The following MYT1L variants were observed in gnomAD, a reference collection of about 807,000 sequenced individuals.
MYT1L encodes myelin transcription factor 1 like, also known as myelin transcription factor 1-like protein.
A neutral mutation model predicts 126.7 loss-of-function variants in MYT1L; 12 were observed. The observed-to-expected ratio is 0.09, with a 90% CI of 0.06 to 0.15. The LOEUF is 0.15. MYT1L is among the 10% of genes least tolerant of loss of function. The pLI, the probability that MYT1L is intolerant of heterozygous loss-of-function variation, is 1.00. For missense variants in MYT1L, 979 were observed against 1,585.2 expected (o/e 0.62, Z 6.49); for synonymous variants, 541 against 604.2 (o/e 0.90, Z 1.53).
chr2:2,106,343 G>A (rs562766338), intron 3 of MYT1L, among the ~76,000 whole-genome samples: 15 of 152,314 alleles, frequency 9.8e-5, no homozygotes, highest in Middle Eastern at 3.4e-3. Context: ...CTGGTGTGGT[G>A]GCCCTTGCCT....
chr2:1,820,113 AAG>A (rs1418284974), intron 21 of MYT1L, among the ~76,000 whole-genome samples: 2 of 152,152 alleles, frequency 1.3e-5, no homozygotes, highest in East Asian at 3.9e-4. Context: ...ATGGGTTCAG[AAG>A]AGAGCACCCA....
chr2:1,904,342 G>A (rs1375901896), intron 13 of MYT1L, among the ~76,000 whole-genome samples: 1 of 152,078 alleles, frequency 6.6e-6, no homozygotes, highest in East Asian at 1.9e-4. Flanking sequence ...GTCAGGTTTT[G>A]TAGAATCAGA....
intron 21 of MYT1L, among the ~76,000 whole-genome samples, chr2:1,819,961 C>T (rs2038265741): frequency 6.6e-6 from 1 of 151,702 alleles, no homozygotes; most frequent in African/African-American, 2.4e-5. Flanking sequence ...GGCAACCACA[C>T]AGTAGAGTTT....
chr2:1,943,411 A>AT lies in MYT1L; in HGVS notation c.153-78dup, dbSNP rs2056886486. On this transcript the variant is annotated intron_variant, in intron 8 of 24. Transcript: ENST00000647738. This position sits in a 1 kb window ranked among gnomAD's most constrained non-coding sequence, Gnocchi z 4.4. ...GTTACTGTCTTTTAAAATCAGACCAATGGGGGCCTTGATCAAGGTACTTAA... is the reference window on the plus strand; with the variant it reads ...GTTACTGTCTTTTAAAATCAGACCAATTGGGGGCCTTGATCAAGGTACTTAA... The AT allele has an allele frequency of 2.8e-6, 4 of 1,430,596 alleles. No individual in the cohort carries two copies. The East Asian group carries it at 9.9e-5, about 36-fold the overall frequency. 88.6% of individuals were successfully genotyped at this position (1,430,596 alleles called of 1,614,324 possible).
chr2:2,235,305 G>A (rs57580223), intron 2 of MYT1L, among the ~76,000 whole-genome samples: 2 of 150,396 alleles, frequency 1.3e-5, no homozygotes, highest in Non-Finnish European at 1.5e-5. Context: ...AGGGGTGTGT[G>A]TAGAGGTGTG....
chr2:2,036,858 C>T (rs749656297), intron 4 of MYT1L, among the ~76,000 whole-genome samples: 2 of 152,136 alleles, frequency 1.3e-5, no homozygotes, highest in Admixed American at 6.6e-5. Flanking sequence ...CAGTAGCTTC[C>T]ACCACACTTC....
intron 3 of MYT1L, among the ~76,000 whole-genome samples, chr2:2,136,027 T>C (rs1209020900): frequency 6.6e-6 from 1 of 152,192 alleles, no homozygotes; most frequent in Non-Finnish European, 1.5e-5. Flanking sequence ...ATATACACCA[T>C]GGAATACTAT....
At chr2:2,120,511 T>C (rs1032149119) in intron 3 of MYT1L, among the ~76,000 whole-genome samples, 4 of 152,084 alleles carry the variant, frequency 2.6e-5, no homozygotes, top group Non-Finnish European at 4.4e-5. Context: ...GTAAAGTCAG[T>C]ACAGGGCTTG....
chr2:2,085,126 T>G (rs2076227300), intron 3 of MYT1L, among the ~76,000 whole-genome samples: 4 of 152,160 alleles, frequency 2.6e-5, no homozygotes, highest in Admixed American at 1.3e-4. Context: ...TCTGCACAGT[T>G]TCTTTTCTCC....
intron 14 of MYT1L, chr2:1,902,822 T>C: frequency 2.1e-6 from 1 of 477,646 alleles, no homozygotes; most frequent in Non-Finnish European, 3.8e-6. Context: ...CCTCTCCACA[T>C]TCCACGAGCA....
At chr2:2,253,197 C>T (rs1442641138) in intron 2 of MYT1L, among the ~76,000 whole-genome samples, 9 of 152,190 alleles carry the variant, frequency 5.9e-5, no homozygotes, top group Admixed American at 2.6e-4. Flanking sequence ...ACCTGTGAGC[C>T]GGAGCGGGCT....
At chr2:2,294,704 G>T (rs2095646621) in intron 1 of MYT1L, among the ~76,000 whole-genome samples, 1 of 152,146 alleles carries the variant, frequency 6.6e-6, no homozygotes, top group African/African-American at 2.4e-5. Flanking sequence ...CATGTAACTA[G>T]GAATAAACAT....
At chr2:2,086,568 G>A (rs2076369650) in intron 3 of MYT1L, among the ~76,000 whole-genome samples, 1 of 152,056 alleles carries the variant, frequency 6.6e-6, no homozygotes, top group Non-Finnish European at 1.5e-5. Flanking sequence ...TTCACACATA[G>A]AATCACTCTG....
intron 3 of MYT1L, among the ~76,000 whole-genome samples, chr2:2,140,584 G>A (rs369066066): frequency 3.3e-5 from 5 of 151,850 alleles, no homozygotes; most frequent in Non-Finnish European, 4.4e-5. Flanking sequence ...ACAGGTGCCC[G>A]CCACCACGCC....
intron 2 of MYT1L, among the ~76,000 whole-genome samples, chr2:2,232,020 C>A (rs1366715621): frequency 6.6e-6 from 1 of 152,174 alleles, no homozygotes; most frequent in Non-Finnish European, 1.5e-5. Context: ...AACCACTTAA[C>A]AATAAAGGAA....
At position 2,256,129 on chromosome 2, in the gene MYT1L, C is replaced by T. The variant is rs113284019; in HGVS notation, c.-421+28275G>A. On this transcript the variant is annotated intron_variant, in intron 2 of 24. Coordinates refer to ENST00000647738, the MANE Select transcript of MYT1L (RefSeq NM_001303052.2). ...TCGCGTCGGGCCAAAACAAGACCCC[C>T]GGTGAATAGACAGAGGCTCCGGGCT... Among the ~76,000 whole-genome samples the T allele has an allele frequency of 6.7e-4, 102 of 152,342 alleles. 2 individuals carry two copies. Among genetic ancestry groups the T allele is most frequent in the African/African-American group, 2.1e-3 (89 of 41,588 alleles).
intron 3 of MYT1L, among the ~76,000 whole-genome samples, chr2:2,069,757 C>T (rs918431198): frequency 2.0e-5 from 3 of 151,834 alleles, no homozygotes; most frequent in East Asian, 2.0e-4. Context: ...TTTAAATGAT[C>T]GCCATTCTAA....
At chr2:1,977,962 G>A (rs1311323938) in intron 8 of MYT1L, among the ~76,000 whole-genome samples, 1 of 152,006 alleles carries the variant, frequency 6.6e-6, no homozygotes, top group Admixed American at 6.6e-5. Flanking sequence ...TAATGTAATT[G>A]ACTAAATTTA....
chr2:2,224,020 T>C lies in MYT1L; in HGVS notation c.-420-51032A>G, dbSNP rs1037941698. On this transcript the variant is annotated intron_variant, in intron 2 of 24. Coordinates refer to ENST00000647738, the MANE Select transcript of MYT1L (RefSeq NM_001303052.2). This position sits in a 1 kb window ranked among gnomAD's most constrained non-coding sequence, Gnocchi z 4.0. The stretch of plus-strand genomic sequence containing the variant: ...TGAGTTGACAGGTGGAGTGTGTATG[T>C]TGTGTGAGGTAACTTTAAGGTGTCC... 6.6e-6 allele frequency among the ~76,000 whole-genome samples: 1 copy of C among 152,060 alleles called. No homozygotes were observed. The highest frequency in any genetic ancestry group is 2.4e-5 in the African/African-American group (1 of 41,408).
Sources: gnomAD v4.1 joint callset for allele counts (sites outside exome capture counted in the v4.1 genomes callset) on GRCh38, gnomAD v4.1.1 for gene constraint, Gnocchi (gnomAD v3.1) non-coding constraint, MANE v1.5 for transcripts, NCBI Gene and HGNC (gene_info 2026-07-23, HGNC 2026-07-21) for gene names.